PCNX1: variants seen among roughly 807,000 people sequenced by gnomAD.
PCNX1 encodes the protein pecanex-like protein 1.
Under a neutral mutation model 242.2 loss-of-function variants are expected in PCNX1, and 78 were observed. The ratio of observed to expected loss-of-function variants is 0.32; its 90% CI spans 0.27 to 0.39. The LOEUF is 0.39. PCNX1 is among the 10% of genes least tolerant of loss of function. The pLI, the probability that PCNX1 is intolerant of heterozygous loss-of-function variation, is 1.00. For synonymous variants in PCNX1, 1,024 were observed against 1,032.9 expected, an observed-to-expected ratio of 0.99 and a Z score of 0.17; for missense variants, 2,581 against 2,856.5, an observed-to-expected ratio of 0.90 and a Z score of 2.20.
intron 1 of PCNX1, among the ~76,000 whole-genome samples, chr14:70,931,852 G>C (rs1204215777): frequency 6.6e-6 from 1 of 152,190 alleles, no homozygotes; most frequent in Non-Finnish European, 1.5e-5. Flanking sequence ...GGCCAGGCAC[G>C]GTGGCTCACG....
At chr14:71,064,792 G>T (rs1035396974) in intron 26 of PCNX1, among the ~76,000 whole-genome samples, 1 of 151,974 alleles carries the variant, frequency 6.6e-6, no homozygotes, top group Admixed American at 6.6e-5. Context: ...GACAGGCCTG[G>T]GTATGTGATG....
chr14:71,004,911 C>G (rs574925717), intron 8 of PCNX1, among the ~76,000 whole-genome samples: 102 of 152,246 alleles, frequency 6.7e-4, no homozygotes, highest in African/African-American at 2.4e-3. Flanking sequence ...TAAAAACTCA[C>G]TTTATACATT....
intron 8 of PCNX1, among the ~76,000 whole-genome samples, chr14:71,004,913 T>G (rs545531375): frequency 1.1e-4 from 16 of 152,284 alleles, no homozygotes; most frequent in African/African-American, 3.8e-4. Flanking sequence ...AAAACTCACT[T>G]TATACATTTA....
At chr14:71,011,647 A>G in intron 10 of PCNX1, 98 bp downstream of exon 10, 1 of 761,588 alleles carries the variant, frequency 1.3e-6, no homozygotes. Context: ...AAATTGATGA[A>G]GTTACACAAA....
At chr14:71,068,444 A>G (rs2061505040) in intron 26 of PCNX1, among the ~76,000 whole-genome samples, 1 of 149,214 alleles carries the variant, frequency 6.7e-6, no homozygotes, top group South Asian at 2.1e-4. Context: ...ATGTATGTAT[A>G]TGTATATATG....
Position 70,946,846 on chromosome 14 carries a change from C to T in PCNX1, c.154-69C>T, listed in dbSNP as rs2057475883. On this transcript the variant is annotated intron_variant, in intron 1 of 35. Transcript: ENST00000304743. ...GTAAATGTGTTTATTATTTTAGATA[C>T]AGATTTATCTAATTGAATACGATAT... 19 of 1,068,504 alleles carry T rather than the reference C, an allele frequency of 1.8e-5. No individual in the cohort carries two copies. The Admixed American group carries it at 3.8e-4, about 22-fold the overall frequency. The allele number at this position is 1,068,504 out of a possible 1,614,324, so 66.2% of individuals were successfully genotyped here.
At chr14:70,923,751 G>C (rs559076697) in intron 1 of PCNX1, among the ~76,000 whole-genome samples, 2 of 152,108 alleles carry the variant, frequency 1.3e-5, no homozygotes, top group South Asian at 4.1e-4. Context: ...GTATTCCATT[G>C]CCTGGATGTA....
At chr14:71,094,516 A>G (rs2062220087) in intron 30 of PCNX1, among the ~76,000 whole-genome samples, 1 of 152,204 alleles carries the variant, frequency 6.6e-6, no homozygotes, top group East Asian at 1.9e-4. Context: ...TGCCTTTCAG[A>G]CATAGTCTTT....
chr14:71,102,358 T>A, intron 31 of PCNX1, 138 bp downstream of exon 31: 1 of 612,322 alleles, frequency 1.6e-6, no homozygotes, highest in Non-Finnish European at 2.9e-6. Context: ...TACTGCAGGC[T>A]CTCGACCTCC....
chr14:70,913,516 T>G (rs2056018999), intron 1 of PCNX1, among the ~76,000 whole-genome samples: 1 of 152,210 alleles, frequency 6.6e-6, no homozygotes, highest in South Asian at 2.1e-4. Context: ...TACAGTAATA[T>G]ATACCACATA....
intron 8 of PCNX1, among the ~76,000 whole-genome samples, chr14:70,999,787 CT>C: frequency 6.6e-6 from 1 of 152,226 alleles, no homozygotes; most frequent in East Asian, 1.9e-4. Flanking sequence ...AGATTTTCTA[CT>C]TTAAAAAGCA....
chr14:71,111,730 T>G lies in PCNX1; in HGVS notation c.*1795T>G, dbSNP rs1045209585. ...CTATTTATTTTCCCTTTTTCTAATT[T>G]TAAACTTTTGTGGTCATTCAGAACC... On this transcript the variant is annotated 3_prime_UTR_variant, in exon 36 of 36. Coordinates refer to ENST00000304743, the MANE Select transcript of PCNX1 (RefSeq NM_014982.3). The G allele has an allele frequency of 6.6e-6, 1 of 152,184 alleles. No homozygotes were observed. Among genetic ancestry groups the G allele is most frequent in the Non-Finnish European group, 1.5e-5 (1 of 67,970 alleles). 9.4% of individuals were successfully genotyped at this position (152,184 alleles called of 1,614,324 possible).
intron 1 of PCNX1, among the ~76,000 whole-genome samples, chr14:70,933,176 T>TG (rs1484874924): frequency 6.6e-6 from 1 of 152,232 alleles, no homozygotes; most frequent in Non-Finnish European, 1.5e-5. Flanking sequence ...ATTTCATACA[T>TG]GATGAAAGAG....
chr14:70,966,728 A>T lies in PCNX1; in HGVS notation c.469-1470A>T, dbSNP rs530753281. Among the ~76,000 whole-genome samples, 168 of 151,146 alleles carry T rather than the reference A, an allele frequency of 1.1e-3. 1 individual carries two copies. Among genetic ancestry groups the T allele is most frequent in the Non-Finnish European group, 2.1e-3 (144 of 67,662 alleles). ...ATGACTACCATATCCGTGTTTAAAA[A>T]TTTTTTTTTTAAGTTTAAATTCCTA... On this transcript the variant is annotated intron_variant, in intron 3 of 35. Coordinates refer to ENST00000304743, the MANE Select transcript of PCNX1 (RefSeq NM_014982.3).
At chr14:70,929,159 A>T (rs1177342988) in intron 1 of PCNX1, among the ~76,000 whole-genome samples, 2 of 152,092 alleles carry the variant, frequency 1.3e-5, no homozygotes, top group Admixed American at 1.3e-4. Context: ...ATTACATGAA[A>T]ATTATTATTT....
At chr14:70,967,024 CTTTT>C (rs548554565) in intron 3 of PCNX1, among the ~76,000 whole-genome samples, 178 of 152,004 alleles carry the variant, frequency 1.2e-3, no homozygotes, top group Middle Eastern at 3.4e-3. Context: ...TATTACAAAG[CTTTT>C]TTTTATTGGC....
intron 28 of PCNX1, among the ~76,000 whole-genome samples, chr14:71,085,299 C>T (rs2061957453): frequency 6.6e-6 from 1 of 152,182 alleles, no homozygotes; most frequent in Admixed American, 6.5e-5. Flanking sequence ...GCCATCTTGC[C>T]AGCCACCTGT....
At chr14:71,039,111 T>C (rs1391397866) in intron 19 of PCNX1, among the ~76,000 whole-genome samples, 4 of 151,860 alleles carry the variant, frequency 2.6e-5, no homozygotes, top group Non-Finnish European at 5.9e-5. Flanking sequence ...TTGGGAGATA[T>C]ACCTAATGCT....
chr14:71,090,494 A>G (rs1208761662), intron 30 of PCNX1, among the ~76,000 whole-genome samples: 1 of 152,218 alleles, frequency 6.6e-6, no homozygotes, highest in Admixed American at 6.5e-5. Context: ...AACATGACTA[A>G]TAAAGGACAC....
Sources: gnomAD v4.1 joint callset for allele counts (sites outside exome capture counted in the v4.1 genomes callset) on GRCh38, gnomAD v4.1.1 for gene constraint, MANE v1.5 for transcripts, NCBI Gene and HGNC (gene_info 2026-07-23, HGNC 2026-07-21) for gene names.